The following SNX30 variants were observed in gnomAD, a reference collection of about 807,000 sequenced individuals.
The protein encoded by SNX30 is sorting nexin-30.
In SNX30, 24 loss-of-function variants were observed where a neutral mutation model predicts 46.4. The observed-to-expected ratio is 0.52, with a 90% CI of 0.37 to 0.73. The LOEUF (loss-of-function observed/expected upper bound fraction) is 0.73. Ranked by LOEUF, SNX30 falls within the 30% of genes least tolerant of loss-of-function variation. The pLI is 0.00. For synonymous variants in SNX30, 189 were observed against 211.5 expected (o/e 0.89, Z 0.92); for missense variants, 533 against 555.7 (o/e 0.96, Z 0.41).
chr9:112,794,589 C>T (rs1840079903), intron 1 of SNX30, among the ~76,000 whole-genome samples: 1 of 152,208 alleles, frequency 6.6e-6, no homozygotes, highest in African/African-American at 2.4e-5. Flanking sequence ...TCAGGCTCCT[C>T]TGAGACTAGA....
At chr9:112,786,664 T>G (rs986399171) in intron 1 of SNX30, among the ~76,000 whole-genome samples, 1 of 151,778 alleles carries the variant, frequency 6.6e-6, no homozygotes, top group Admixed American at 6.6e-5. Flanking sequence ...ACGTCTGTCC[T>G]TGACTTTTTT....
intron 1 of SNX30, among the ~76,000 whole-genome samples, chr9:112,777,793 G>A (rs1839773773): frequency 6.6e-6 from 1 of 151,938 alleles, no homozygotes; most frequent in African/African-American, 2.4e-5. Context: ...TTTAAACTGA[G>A]TGGTTGCTAT....
In SNX30 at chr9:112,850,926, G is replaced by A. The variant is rs756344473; in HGVS notation, c.1082G>A (p.Arg361Gln). The A allele has an allele frequency of 1.1e-5, 17 of 1,614,040 alleles. No homozygotes were observed. In the East Asian group the frequency reaches 1.3e-4, roughly 13 times the overall value. ...GCCAAACTGGAAGCTGTGGCTCTGC[G>A]GAAGGAAGACCGCCCCAAGGTCAGG... is the stretch of plus-strand genomic sequence containing the variant. ...YEAKLEAVAL[R>Q]KEDRPKVPAD... is the part of the protein sequence containing the mutation. Residue 361 changes from arginine (R) to glutamine (Q), a missense_variant, in exon 7 of 9, where the codon CGG (arginine) becomes CAG (glutamine). Physicochemically the swap from Arg to Gln is conservative, Grantham distance 43 (BLOSUM62 1). Transcript: ENST00000374232.
chr9:112,808,119 G>A (rs556048528), intron 2 of SNX30, among the ~76,000 whole-genome samples: 18 of 152,292 alleles, frequency 1.2e-4, no homozygotes, highest in Admixed American at 3.3e-4. Flanking sequence ...GACGGATATC[G>A]TAGGGGTGTG....
At chr9:112,753,719 T>C (rs1285887008) in intron 1 of SNX30, among the ~76,000 whole-genome samples, 1 of 152,142 alleles carries the variant, frequency 6.6e-6, no homozygotes, top group Admixed American at 6.6e-5. Flanking sequence ...CTAACAGCTG[T>C]GGGGAGCATC....
chr9:112,776,953 C>T (rs1344516125), intron 1 of SNX30, among the ~76,000 whole-genome samples: 1 of 152,112 alleles, frequency 6.6e-6, no homozygotes, highest in Non-Finnish European at 1.5e-5. Context: ...ACTCCACAGT[C>T]CTTTGCTCAC....
At chr9:112,840,026 C>G (rs1447520081) in intron 6 of SNX30, among the ~76,000 whole-genome samples, 3 of 152,238 alleles carry the variant, frequency 2.0e-5, no homozygotes, top group African/African-American at 7.2e-5. Context: ...CTTGTTCCGT[C>G]TTGTCCCATC....
At chr9:112,787,682 T>C (rs753054444) in intron 1 of SNX30, among the ~76,000 whole-genome samples, 3 of 151,990 alleles carry the variant, frequency 2.0e-5, no homozygotes, top group Non-Finnish European at 2.9e-5. Context: ...GGCATTTGCA[T>C]GTGCACATGC....
intron 6 of SNX30, among the ~76,000 whole-genome samples, chr9:112,846,876 C>A (rs1171767952): frequency 6.6e-6 from 1 of 152,182 alleles, no homozygotes; most frequent in Non-Finnish European, 1.5e-5. Flanking sequence ...TCTGCCTTTT[C>A]CCCTCCCATA....
chr9:112,794,445 G>A (rs369620472), intron 1 of SNX30, among the ~76,000 whole-genome samples: 44 of 152,254 alleles, frequency 2.9e-4, no homozygotes, highest in African/African-American at 9.1e-4. Context: ...GCCACTGCGC[G>A]TGGCCAACAC....
chr9:112,758,584 C>T (rs1375459508), intron 1 of SNX30, among the ~76,000 whole-genome samples: 1 of 151,934 alleles, frequency 6.6e-6, no homozygotes, highest in South Asian at 2.1e-4. Context: ...TTGGTAGAGA[C>T]GGGGTTTCGC....
intron 4 of SNX30, among the ~76,000 whole-genome samples, chr9:112,834,223 C>T (rs2131451376): frequency 6.6e-6 from 1 of 152,224 alleles, no homozygotes; most frequent in Non-Finnish European, 1.5e-5. Flanking sequence ...TGGATGTCCA[C>T]CAGTTTAATT....
At chr9:112,791,599 AT>A (rs1840023486) in intron 1 of SNX30, among the ~76,000 whole-genome samples, 1 of 151,588 alleles carries the variant, frequency 6.6e-6, no homozygotes, top group Non-Finnish European at 1.5e-5. Context: ...TTTAGTAGAG[AT>A]GGGGTTTCAC....
intron 2 of SNX30, among the ~76,000 whole-genome samples, chr9:112,809,498 G>A (rs149810681): frequency 5.3e-4 from 81 of 152,146 alleles, no homozygotes; most frequent in African/African-American, 1.8e-3. Flanking sequence ...AGGAAACAGA[G>A]GCGAGCCTTC....
At chr9:112,877,319 A>G (rs62576456), downstream of SNX30, 13,173 of 152,298 alleles carry the variant, frequency 0.086, 608 homozygotes, top group African/African-American at 0.1. Context: ...GTGGACAAGG[A>G]ATGACATTTC....
At chr9:112,822,533 TTTGTTTTG>T (rs1365633715) in intron 3 of SNX30, among the ~76,000 whole-genome samples, 35 of 60,796 alleles carry the variant, frequency 5.8e-4, no homozygotes, top group East Asian at 9.5e-4. Context: ...CCTTTGCTGT[TTTGTTTTG>T]TTTTTTTTTT....
At chr9:112,853,474 A>G (rs1970528) in intron 7 of SNX30, among the ~76,000 whole-genome samples, 121,696 of 152,246 alleles carry the variant, frequency 0.8, 48,830 homozygotes, top group South Asian at 0.87. Context: ...CATTTAAAGG[A>G]ATGACATAGG....
intron 2 of SNX30, among the ~76,000 whole-genome samples, chr9:112,810,644 G>A (rs1404841981): frequency 6.6e-6 from 1 of 152,122 alleles, no homozygotes; most frequent in Non-Finnish European, 1.5e-5. Context: ...AGAGGCTGTG[G>A]AATGGAAGGA....
At chr9:112,861,312 T>C (rs1371704969) in intron 7 of SNX30, among the ~76,000 whole-genome samples, 1 of 151,894 alleles carries the variant, frequency 6.6e-6, no homozygotes, top group East Asian at 1.9e-4. Context: ...ATCTGCCTTC[T>C]CTTTTTGCTT....
Sources: gnomAD v4.1 joint callset for allele counts (sites outside exome capture counted in the v4.1 genomes callset) on GRCh38, gnomAD v4.1.1 for gene constraint, MANE v1.5 for transcripts, NCBI Gene and HGNC (gene_info 2026-07-23, HGNC 2026-07-21) for gene names.